GRK3: variants seen among roughly 807,000 people sequenced by gnomAD.
GRK3 encodes the protein G protein-coupled receptor kinase 3, also known as adrenergic, beta, receptor kinase 2.
In GRK3, 54 loss-of-function variants were observed where a neutral mutation model predicts 95.7. That is an observed-to-expected ratio of 0.56 (90% CI 0.45 to 0.71). The LOEUF (loss-of-function observed/expected upper bound fraction) is 0.71. Among genes scored for constraint, GRK3 ranks in the 30% least tolerant of loss-of-function variants. GRK3 has a pLI of 0.00. For synonymous variants in GRK3, 281 were observed against 290.8 expected, an observed-to-expected ratio of 0.97 and a Z score of 0.34; for missense variants, 649 against 851.2, an observed-to-expected ratio of 0.76 and a Z score of 2.96.
At chr22:25,667,457 T>C (rs568881333) in intron 5 of GRK3, among the ~76,000 whole-genome samples, 1 of 152,338 alleles carries the variant, frequency 6.6e-6, no homozygotes, top group East Asian at 1.9e-4. Flanking sequence ...GCCCTGCTCC[T>C]GTAAGAAGTG....
At position 25,688,050 on chromosome 22, in the gene GRK3, C is replaced by A. The variant is rs185944748; in HGVS notation, c.957+383C>A. 2.9e-4 allele frequency among the ~76,000 whole-genome samples: 44 copies of A among 152,214 alleles called. 1 individual carries two copies. The South Asian group carries it at 7.9e-3, about 27-fold the overall frequency. ...AGGAGATCAAGGCCATCCTGGCTAACACAGTGAAACCCCGTCTCTACTAAA... is the reference window on the plus strand; with the variant it reads ...AGGAGATCAAGGCCATCCTGGCTAAAACAGTGAAACCCCGTCTCTACTAAA... On this transcript the variant is annotated intron_variant, in intron 11 of 20. Coordinates refer to ENST00000324198, the MANE Select transcript of GRK3 (RefSeq NM_005160.4).
chr22:25,698,573 T>C (rs11912611), intron 13 of GRK3, among the ~76,000 whole-genome samples: 30,081 of 152,012 alleles, frequency 0.2, 7,220 homozygotes, highest in African/African-American at 0.58. Context: ...CTATGTTTCT[T>C]AAGAGGGAAG....
intron 13 of GRK3, among the ~76,000 whole-genome samples, chr22:25,701,750 T>C (rs2085260535): frequency 6.6e-6 from 1 of 151,148 alleles, no homozygotes; most frequent in African/African-American, 2.4e-5. Flanking sequence ...CAGGAGATCT[T>C]CACTTAATCC....
chr22:25,591,650 G>A (rs1171781691), intron 1 of GRK3, among the ~76,000 whole-genome samples: 5 of 152,068 alleles, frequency 3.3e-5, no homozygotes, highest in Non-Finnish European at 7.3e-5. Context: ...GGAGCTCTGT[G>A]TCAGGAACCA....
At position 25,564,679 on chromosome 22, in the gene GRK3, G is replaced by C. The variant is rs1931363986; in HGVS notation, c.-362G>C. 6.6e-6 allele frequency among the ~76,000 whole-genome samples: 1 copy of C among 151,638 alleles called. No individual in the cohort carries two copies. Among genetic ancestry groups the C allele is most frequent in the Admixed American group, 6.5e-5 (1 of 15,272 alleles). The stretch of plus-strand genomic sequence containing the variant: ...GAGGGGAGGGCGACCGTAGAGACTT[G>C]GTCGGGAGGCGCCGGCCCAGCGAGG... On this transcript the variant is annotated 5_prime_UTR_variant, in exon 1 of 21. Coordinates refer to ENST00000324198, the MANE Select transcript of GRK3 (RefSeq NM_005160.4).
intron 2 of GRK3, among the ~76,000 whole-genome samples, chr22:25,624,318 C>T (rs2084610433): frequency 6.6e-6 from 1 of 152,056 alleles, no homozygotes; most frequent in Admixed American, 6.6e-5. Context: ...AATCCCAGCA[C>T]TTTGGGAGGC....
Position 25,661,676 on chromosome 22 carries a change from A to T in GRK3, c.365A>T (p.His122Leu). 6.3e-7 allele frequency: 1 copy of T among 1,589,986 alleles called. No individual in the cohort carries two copies. Among genetic ancestry groups the T allele is most frequent in the Non-Finnish European group, 8.6e-7 (1 of 1,159,722 alleles). The change falls in exon 4 of 21, where the codon CAT becomes CTT. Residue 122 changes from histidine (H) to leucine (L), a missense_variant and splice_region_variant. His to Leu is a moderately conservative substitution (Grantham distance 99). Transcript: ENST00000324198. ...ATGAAGGAACTTCTTTCCTGTTCAC[A>T]TGTAAGTATTTCTTCTTACTCTGTT... The part of the protein sequence containing the change: ...YIMKELLSCS[H>L]PFSKQAVEHV...
At chr22:25,642,214 C>T (rs1601494765) in intron 2 of GRK3, among the ~76,000 whole-genome samples, 1 of 152,284 alleles carries the variant, frequency 6.6e-6, no homozygotes, top group East Asian at 1.9e-4. Flanking sequence ...GGGTGGATCA[C>T]CTGAGGTCAG....
intron 8 of GRK3, among the ~76,000 whole-genome samples, chr22:25,676,419 C>T (rs192560730): frequency 2.8e-3 from 425 of 152,232 alleles, no homozygotes; most frequent in African/African-American, 9.7e-3. Flanking sequence ...CGGCCGGGCG[C>T]GGTGGCTCAC....
At chr22:25,681,642 A>G (rs914535474) in intron 9 of GRK3, among the ~76,000 whole-genome samples, 19 of 152,238 alleles carry the variant, frequency 1.2e-4, no homozygotes, top group African/African-American at 4.6e-4. Flanking sequence ...GAGAGACCAT[A>G]ATCAGCCTTG....
At chr22:25,583,059 A>T (rs1410790546) in intron 1 of GRK3, among the ~76,000 whole-genome samples, 1 of 152,214 alleles carries the variant, frequency 6.6e-6, no homozygotes, top group Non-Finnish European at 1.5e-5. Flanking sequence ...ATCTGCTTAG[A>T]TAGCGCATAC....
At chr22:25,609,946 C>A (rs2084483580) in intron 2 of GRK3, among the ~76,000 whole-genome samples, 1 of 149,016 alleles carries the variant, frequency 6.7e-6, no homozygotes, top group Admixed American at 6.8e-5. Flanking sequence ...CTTCCCAGTT[C>A]AATCACATCT....
intron 18 of GRK3, among the ~76,000 whole-genome samples, chr22:25,716,134 C>T (rs1359297928): frequency 6.6e-6 from 1 of 152,048 alleles, no homozygotes; most frequent in Admixed American, 6.5e-5. Context: ...TTACAGGCGC[C>T]CACCACCACG....
intron 15 of GRK3, among the ~76,000 whole-genome samples, chr22:25,706,606 C>T (rs888506021): frequency 1.3e-5 from 2 of 152,174 alleles, no homozygotes; most frequent in Admixed American, 6.5e-5. Context: ...TCTTGGCTCA[C>T]TGCAAACTCT....
intron 3 of GRK3, among the ~76,000 whole-genome samples, chr22:25,651,844 G>A (rs1381737069): frequency 6.6e-6 from 1 of 152,096 alleles, no homozygotes; most frequent in East Asian, 1.9e-4. Flanking sequence ...TTGTACATTT[G>A]AAGAGTTTTT....
At chr22:25,568,589 C>T (rs545476871) in intron 1 of GRK3, among the ~76,000 whole-genome samples, 1 of 152,164 alleles carries the variant, frequency 6.6e-6, no homozygotes, top group Non-Finnish European at 1.5e-5. Context: ...GACATTAATT[C>T]AGTACATAGT....
intron 2 of GRK3, among the ~76,000 whole-genome samples, chr22:25,608,655 A>G (rs1424641914): frequency 1.3e-5 from 2 of 152,244 alleles, no homozygotes; most frequent in Non-Finnish European, 2.9e-5. Flanking sequence ...GCGAGGAAAC[A>G]GCCACCTCCA....
At chr22:25,577,619 G>A (rs1820037825) in intron 1 of GRK3, among the ~76,000 whole-genome samples, 1 of 152,174 alleles carries the variant, frequency 6.6e-6, no homozygotes, top group Non-Finnish European at 1.5e-5. Context: ...TATTTGTCAG[G>A]AGCACATTAG....
intron 2 of GRK3, among the ~76,000 whole-genome samples, chr22:25,635,076 G>A (rs528599325): frequency 6.6e-6 from 1 of 152,200 alleles, no homozygotes; most frequent in Non-Finnish European, 1.5e-5. Context: ...CTTTGAATGT[G>A]GCCCCACATA....
Sources: gnomAD v4.1 joint callset for allele counts (sites outside exome capture counted in the v4.1 genomes callset) on GRCh38, gnomAD v4.1.1 for gene constraint, MANE v1.5 for transcripts, NCBI Gene and HGNC (gene_info 2026-07-23, HGNC 2026-07-21) for gene names.